Variants in GOLGA3 observed in about 807,000 individuals in gnomAD.
GOLGA3 encodes golgin subfamily A member 3.
A neutral mutation model predicts 169.4 loss-of-function variants in GOLGA3; 75 were observed. The observed-to-expected ratio is 0.44, with a 90% confidence interval of 0.37 to 0.54. GOLGA3 has a LOEUF of 0.54. GOLGA3 is among the 20% of genes least tolerant of loss of function. GOLGA3 has a pLI of 0.00. For missense variants in GOLGA3, 1,899 were observed against 1,930.0 expected, an observed-to-expected ratio of 0.98 and a Z score of 0.30; for synonymous variants, 824 against 822.4, an observed-to-expected ratio of 1.00 and a Z score of -0.03.
intron 11 of GOLGA3, among the ~76,000 whole-genome samples, chr12:132,793,704 G>A (rs1403181190): frequency 2.0e-5 from 3 of 147,532 alleles, no homozygotes; most frequent in African/African-American, 5.1e-5. Flanking sequence ...ACCCGCACTC[G>A]GAGGGCTCCA....
rs187574758 is a variant in GOLGA3 at position 132,769,511 on chromosome 12, G to A, written c.*3594C>T. On this transcript the variant is annotated 3_prime_UTR_variant, in exon 24 of 24. Coordinates refer to ENST00000450791, the MANE Select transcript of GOLGA3 (RefSeq NM_001389683.1). Reference sequence around the variant, plus strand: ...CATTTCACATCCTATCAGAAACACTGCCTGATCCATATTGCAGAGAGTGGG... The same window carrying A: ...CATTTCACATCCTATCAGAAACACTACCTGATCCATATTGCAGAGAGTGGG... 7.2e-5 allele frequency: 11 copies of A among 152,340 alleles called. No homozygotes were observed. Among genetic ancestry groups the A allele is most frequent in the African/African-American group, 2.6e-4 (11 of 41,544 alleles). The allele number at this position is 152,340 out of a possible 1,614,324, so 9.4% of individuals were successfully genotyped here.
At chr12:132,782,097 TCG>T (rs1469985994) in intron 17 of GOLGA3, among the ~76,000 whole-genome samples, 197 bp downstream of exon 17, 17 of 151,624 alleles carry the variant, frequency 1.1e-4, no homozygotes, top group Admixed American at 1.1e-3. Flanking sequence ...GTTCCTCCCC[TCG>T]GAGAGCCCAG....
rs1456145719 is a variant in GOLGA3 at position 132,807,877 on chromosome 12, G to T, written c.1178+14C>A. ...ACCTCCACCCACCCCGCCCACCTCTGCTGTCCCCACCACCTGCTGCAGATG... is the reference window on the plus strand; with the variant it reads ...ACCTCCACCCACCCCGCCCACCTCTTCTGTCCCCACCACCTGCTGCAGATG... On this transcript the variant is annotated intron_variant, in intron 5 of 23. Transcript: ENST00000450791. The T allele has an allele frequency of 2.0e-6, 2 of 1,021,792 alleles. No individual in the cohort carries two copies. The highest frequency in any genetic ancestry group is 2.7e-6 in the Non-Finnish European group (2 of 741,804). 63.3% of individuals were successfully genotyped at this position (1,021,792 alleles called of 1,614,324 possible). A position where few individuals can be genotyped will look rare whatever the true frequency, so the allele number is the denominator to read the frequency against.
intron 17 of GOLGA3, 118 bp from the exon 18 acceptor site, chr12:132,781,032 G>A (rs2045575256): frequency 1.4e-6 from 1 of 727,832 alleles, no homozygotes; most frequent in Admixed American, 2.1e-5. Flanking sequence ...GGAGGTAGAG[G>A]GAACTTCACT....
chr12:132,809,315 T>C (rs896945334), intron 4 of GOLGA3, among the ~76,000 whole-genome samples: 7 of 152,126 alleles, frequency 4.6e-5, no homozygotes, highest in Non-Finnish European at 8.8e-5. Context: ...CACAGGGAGA[T>C]GGTTAGGCCT....
intron 4 of GOLGA3, among the ~76,000 whole-genome samples, chr12:132,809,517 C>T (rs1338880572): frequency 6.6e-6 from 1 of 150,780 alleles, no homozygotes; most frequent in Non-Finnish European, 1.5e-5. Context: ...GACCACGATC[C>T]GCCTGGTAAC....
Position 132,816,475 on chromosome 12 carries a change from C to T in GOLGA3, c.406+65G>A, listed in dbSNP as rs1949963425. On this transcript the variant is annotated intron_variant, in intron 3 of 23. Coordinates refer to ENST00000450791, the MANE Select transcript of GOLGA3 (RefSeq NM_001389683.1). The stretch of plus-strand genomic sequence containing the variant: ...CTCAGACAGTGAGTGCGCAGGGCAC[C>T]TGCTCCCAAGGGGCTGAGCGACGCG... The T allele has an allele frequency of 2.0e-6, 3 of 1,535,414 alleles. No homozygotes were observed. In the African/African-American group the frequency reaches 4.1e-5, roughly 21 times the overall value.
chr12:132,791,165 A>T (rs1367663054), intron 12 of GOLGA3, 51 bp downstream of exon 12: 1 of 1,005,028 alleles, frequency 9.9e-7, no homozygotes, highest in Non-Finnish European at 1.6e-6. Context: ...ACCACAGAAA[A>T]CTCTGTTCAT....
At chr12:132,773,345 G>T in intron 23 of GOLGA3, 51 bp from the exon 24 acceptor site, 1 of 1,185,334 alleles carries the variant, frequency 8.4e-7, no homozygotes, top group Non-Finnish European at 1.1e-6. Flanking sequence ...GTGCCAGGCA[G>T]AACGCGCCAC....
chr12:132,778,093 A>C (rs371940752), intron 18 of GOLGA3, among the ~76,000 whole-genome samples: 5 of 152,230 alleles, frequency 3.3e-5, no homozygotes, highest in African/African-American at 9.6e-5. Context: ...GTGTATTCAC[A>C]GCCTGGACAA....
In GOLGA3 at chr12:132,819,698, C is replaced by T. The variant is rs150695345; in HGVS notation, c.133+2298G>A. On this transcript the variant is annotated intron_variant, in intron 2 of 23. Coordinates refer to ENST00000450791, the MANE Select transcript of GOLGA3 (RefSeq NM_001389683.1). ...TGAGACGCCTTTCATGCAAAGGACC[C>T]GTGAGCTCCACTGCTGGGAGAGGGG... Among the ~76,000 whole-genome samples the T allele has an allele frequency of 4.8e-3, 735 of 152,242 alleles. 3 individuals are homozygous for T. Among genetic ancestry groups the T allele is most frequent in the African/African-American group, 0.017 (691 of 41,556 alleles).
intron 1 of GOLGA3, among the ~76,000 whole-genome samples, chr12:132,826,391 G>A (rs1427728424): frequency 6.6e-6 from 1 of 152,090 alleles, no homozygotes; most frequent in Non-Finnish European, 1.5e-5. Flanking sequence ...CTGCTGCAGA[G>A]GAGAACTGCT....
At chr12:132,815,980 T>C (rs1949940689) in intron 3 of GOLGA3, among the ~76,000 whole-genome samples, 1 of 152,126 alleles carries the variant, frequency 6.6e-6, no homozygotes, top group Non-Finnish European at 1.5e-5. Flanking sequence ...AGGCAGACCA[T>C]GAGGTCAGGA....
At chr12:132,826,202 C>T (rs61952776) in intron 1 of GOLGA3, 18,596 of 1,523,290 alleles carry the variant, frequency 0.012, 140 homozygotes, top group Admixed American at 0.016. Context: ...GACATCAGCC[C>T]GCTCCCCACA....
chr12:132,816,534 G>A lies in GOLGA3; in HGVS notation c.406+6C>T, dbSNP rs763774239. ...GGGTGGGAAAAGCGGGGTAACGGAT[G>A]CTTACACAGTTGCGTTTCTTGCATA... On this transcript the variant is annotated splice_donor_region_variant and intron_variant, in intron 3 of 23. Transcript: ENST00000450791. 2.5e-6 allele frequency: 4 copies of A among 1,610,986 alleles called. No individual in the cohort carries two copies. The highest frequency in any genetic ancestry group is 3.4e-6 in the Non-Finnish European group (4 of 1,177,662).
intron 8 of GOLGA3, among the ~76,000 whole-genome samples, chr12:132,798,759 T>C (rs915168883): frequency 3.9e-5 from 6 of 152,242 alleles, no homozygotes; most frequent in Admixed American, 6.5e-5. Context: ...AAAGTCCCCA[T>C]TGACAAGGCA....
intron 13 of GOLGA3, 69 bp downstream of exon 13, chr12:132,788,958 C>T: frequency 8.6e-7 from 1 of 1,160,000 alleles, no homozygotes. Flanking sequence ...CAGACACAGG[C>T]CCCACCCTCC....
At chr12:132,775,757 TATAA>T (rs1351521387) in intron 21 of GOLGA3, among the ~76,000 whole-genome samples, 1 of 152,220 alleles carries the variant, frequency 6.6e-6, no homozygotes, top group African/African-American at 2.4e-5. Flanking sequence ...GGCCTGTGTC[TATAA>T]ATAAATTCTC....
intron 1 of GOLGA3, chr12:132,825,947 C>A: frequency 1.1e-6 from 1 of 949,828 alleles, no homozygotes; most frequent in East Asian, 2.4e-5. Context: ...GATGAAGACG[C>A]AGAGGACCAC....
Sources: allele counts gnomAD v4.1 joint callset (sites outside exome capture counted in the v4.1 genomes callset), GRCh38; gene constraint gnomAD v4.1.1; transcripts MANE v1.5; gene names NCBI Gene and HGNC (gene_info 2026-07-23, HGNC 2026-07-21).